Variants in TTC29 observed in about 807,000 individuals in gnomAD.
The protein encoded by TTC29 is tetratricopeptide repeat protein 29.
TTC29 carries 49 observed loss-of-function variants against 58.1 expected under a neutral mutation model. The observed-to-expected ratio is 0.84, with a 90% CI of 0.67 to 1.07. TTC29 has a LOEUF of 1.07. Among genes scored for constraint, TTC29 ranks in the 50% least tolerant of loss-of-function variants. TTC29 has a pLI of 0.00. For synonymous variants in TTC29, 209 were observed against 196.8 expected, an observed-to-expected ratio of 1.06 and a Z score of -0.52; for missense variants, 582 against 555.6, an observed-to-expected ratio of 1.05 and a Z score of -0.48.
chr4:146,854,197 C>A (rs945225905), intron 8 of TTC29, among the ~76,000 whole-genome samples: 1 of 152,102 alleles, frequency 6.6e-6, no homozygotes, highest in African/African-American at 2.4e-5. Context: ...CCCAAATAAG[C>A]CACATGTACT....
chr4:146,731,279 G>T (rs141513077), intron 11 of TTC29, among the ~76,000 whole-genome samples: 4 of 152,118 alleles, frequency 2.6e-5, no homozygotes, highest in African/African-American at 4.8e-5. Flanking sequence ...TAGGGAGGAG[G>T]TATTGGAGGG....
Position 146,793,428 on chromosome 4 carries a change from C to T in TTC29, c.1330+10029G>A, listed in dbSNP as rs111687568. Among the ~76,000 whole-genome samples the T allele has an allele frequency of 1.6e-3, 245 of 152,234 alleles. 1 individual carries two copies. Among genetic ancestry groups the T allele is most frequent in the African/African-American group, 5.8e-3 (240 of 41,546 alleles). The stretch of plus-strand genomic sequence containing the variant: ...TATGACTTGCCGTAGGCTCAGATGA[C>T]AATTAGCATTTTGTTTTTAGTAATA... On this transcript the variant is annotated intron_variant, in intron 11 of 12. Coordinates refer to ENST00000325106, the MANE Select transcript of TTC29 (RefSeq NM_031956.4).
At chr4:146,738,158 G>A (rs1275295961) in intron 11 of TTC29, among the ~76,000 whole-genome samples, 3 of 152,090 alleles carry the variant, frequency 2.0e-5, no homozygotes, top group Admixed American at 6.6e-5. Context: ...CCAGCATGGC[G>A]GCAGAATCTA....
intron 8 of TTC29, among the ~76,000 whole-genome samples, chr4:146,842,920 G>T (rs1728938008): frequency 6.6e-6 from 1 of 152,144 alleles, no homozygotes; most frequent in South Asian, 2.1e-4. Flanking sequence ...CATTTATTCT[G>T]ATTTCTGGCA....
At chr4:146,758,026 C>A (rs1025859454) in intron 11 of TTC29, among the ~76,000 whole-genome samples, 9 of 152,018 alleles carry the variant, frequency 5.9e-5, no homozygotes. Context: ...GGCTTAAATG[C>A]TGCACTTAAA....
intron 4 of TTC29, among the ~76,000 whole-genome samples, chr4:146,934,577 T>C (rs1735623496): frequency 6.6e-6 from 1 of 152,142 alleles, no homozygotes; most frequent in Admixed American, 6.5e-5. Flanking sequence ...GGGTTATTGC[T>C]AATGTTTAAA....
At chr4:146,861,165 C>T (rs373848093) in intron 8 of TTC29, among the ~76,000 whole-genome samples, 8 of 152,230 alleles carry the variant, frequency 5.3e-5, no homozygotes, top group South Asian at 4.1e-4. Context: ...TACATAAAAA[C>T]GAACGGCTAA....
chr4:146,912,859 C>T (rs527308096), intron 4 of TTC29, among the ~76,000 whole-genome samples: 5 of 151,654 alleles, frequency 3.3e-5, no homozygotes, highest in African/African-American at 4.8e-5. Context: ...TTTAAGGAGA[C>T]AAAAATATGG....
At chr4:146,852,331 G>A (rs549809636) in intron 8 of TTC29, among the ~76,000 whole-genome samples, 89 of 152,320 alleles carry the variant, frequency 5.8e-4, no homozygotes, top group African/African-American at 2.1e-3. Context: ...TTGTGAAGAG[G>A]CTCAACAAGT....
chr4:146,774,658 T>C (rs1029986937), intron 11 of TTC29, among the ~76,000 whole-genome samples: 1 of 152,174 alleles, frequency 6.6e-6, no homozygotes, highest in East Asian at 1.9e-4. Context: ...GATTTTAAAA[T>C]ATGCACCATG....
chr4:146,737,431 C>T (rs991397179), intron 11 of TTC29, among the ~76,000 whole-genome samples: 5 of 152,092 alleles, frequency 3.3e-5, no homozygotes, highest in Non-Finnish European at 7.4e-5. Context: ...CAGCATCAAT[C>T]TAAACATGTT....
At chr4:146,939,740 T>G in intron 3 of TTC29, 64 bp downstream of exon 3, 1 of 1,372,854 alleles carries the variant, frequency 7.3e-7, no homozygotes, top group East Asian at 2.4e-5. Flanking sequence ...AGATACATTA[T>G]TGACATTTCT....
intron 6 of TTC29, among the ~76,000 whole-genome samples, chr4:146,878,695 C>A (rs1008530483): frequency 3.9e-5 from 6 of 152,098 alleles, no homozygotes; most frequent in African/African-American, 1.2e-4. Context: ...AAATAATGAT[C>A]AAATTTGCAT....
chr4:146,891,304 T>C (rs1267548222), intron 6 of TTC29, among the ~76,000 whole-genome samples: 3 of 152,206 alleles, frequency 2.0e-5, no homozygotes, highest in Non-Finnish European at 4.4e-5. Context: ...ACTTAAAAAA[T>C]GTTAATTACT....
intron 11 of TTC29, among the ~76,000 whole-genome samples, chr4:146,800,585 T>TC (rs1466843423): frequency 2.0e-5 from 3 of 152,214 alleles, no homozygotes; most frequent in African/African-American, 7.2e-5. Context: ...GTGAGTGTCA[T>TC]CCTTCATTCA....
chr4:146,862,919 G>A (rs1730331470), intron 8 of TTC29, among the ~76,000 whole-genome samples: 2 of 151,974 alleles, frequency 1.3e-5, no homozygotes, highest in Admixed American at 6.6e-5. Flanking sequence ...TCAGGAGATG[G>A]AGACCATTCT....
At position 146,820,222 on chromosome 4, in the gene TTC29, T is replaced by G. The variant is rs1223131762; in HGVS notation, c.1004A>C (p.Lys335Thr). The change falls in exon 10 of 13, where the codon AAA becomes ACA. Residue 335 changes from lysine to threonine, a missense_variant. Coordinates refer to ENST00000325106, the MANE Select transcript of TTC29 (RefSeq NM_031956.4). ...AATTTTCACAAATTTTTTCAAGTAT[T>G]TAATTGCTTCTGTCATCTCTCCTTG... The part of the protein sequence containing the change: ...QSQGEMTEAI[K>T]YLKKFVKIAR... The G allele has an allele frequency of 8.1e-6, 13 of 1,612,642 alleles. No homozygotes were observed. The highest frequency in any genetic ancestry group is 1.1e-5 in the Non-Finnish European group (13 of 1,179,738).
chr4:146,933,746 C>T (rs765127879), intron 4 of TTC29, among the ~76,000 whole-genome samples: 2 of 152,082 alleles, frequency 1.3e-5, no homozygotes, highest in Non-Finnish European at 2.9e-5. Context: ...TAGAAAGTAA[C>T]GAAGCATACT....
chr4:146,838,763 T>C (rs1408689939), intron 8 of TTC29, among the ~76,000 whole-genome samples: 1 of 151,986 alleles, frequency 6.6e-6, no homozygotes, highest in Non-Finnish European at 1.5e-5. Context: ...AAGGAACAAC[T>C]GTATTTGGTA....
Sources: allele counts gnomAD v4.1 joint callset (sites outside exome capture counted in the v4.1 genomes callset), GRCh38; gene constraint gnomAD v4.1.1; transcripts MANE v1.5; gene names NCBI Gene and HGNC (gene_info 2026-07-23, HGNC 2026-07-21).